CDCP1: variants seen among roughly 807,000 people sequenced by gnomAD.
CDCP1 encodes the protein CUB domain containing protein 1.
Under a neutral mutation model 60.2 loss-of-function variants are expected in CDCP1, and 29 were observed. The ratio of observed to expected loss-of-function variants is 0.48; its 90% confidence interval spans 0.36 to 0.66. The LOEUF is 0.66. Ranked by LOEUF, CDCP1 falls within the 30% of genes least tolerant of loss-of-function variation. The pLI is 0.00. For missense variants in CDCP1, 876 were observed against 1,074.3 expected (o/e 0.82, Z 2.58); for synonymous variants, 387 against 431.1 (o/e 0.90, Z 1.27).
In CDCP1 at chr3:45,089,279, G is replaced by A. The variant is rs1289133852; in HGVS notation, c.1994-138C>T. On this transcript the variant is annotated intron_variant, in intron 7 of 8. Coordinates refer to ENST00000296129, the MANE Select transcript of CDCP1 (RefSeq NM_022842.5). ...CATGTGGCTCCTTGTGTGCACATGG[G>A]GCTCCTCATATCACAAAGTGTTTAT... 6.0e-6 allele frequency: 4 copies of A among 664,098 alleles called. No individual in the cohort carries two copies. The African/African-American group carries it at 7.3e-5, about 12-fold the overall frequency. The allele number at this position is 664,098 out of a possible 1,614,324, so 41.1% of individuals were successfully genotyped here.
At chr3:45,102,321 C>T (rs13089765) in intron 4 of CDCP1, among the ~76,000 whole-genome samples, 1 of 152,030 alleles carries the variant, frequency 6.6e-6, no homozygotes, top group Non-Finnish European at 1.5e-5. Context: ...TCCACTGCCT[C>T]GGCCTCCCAA....
At position 45,144,989 on chromosome 3, in the gene CDCP1, T is replaced by C. The variant is rs147399270; in HGVS notation, c.82+1217A>G. 1.7e-3 allele frequency among the ~76,000 whole-genome samples: 260 copies of C among 151,566 alleles called. 7 individuals are homozygous for C. In the East Asian group the frequency reaches 0.045, roughly 26 times the overall value. ...GTGAAACCCTGTCTCTACTTTAATATATATAATTTATATATATATTTATAA... is the reference window on the plus strand; with the variant it reads ...GTGAAACCCTGTCTCTACTTTAATACATATAATTTATATATATATTTATAA... On this transcript the variant is annotated intron_variant, in intron 1 of 8. Coordinates refer to ENST00000296129, the MANE Select transcript of CDCP1 (RefSeq NM_022842.5).
In CDCP1 at chr3:45,094,328, C is replaced by T. The variant is rs6789738; in HGVS notation, c.1247-671G>A. ...GCAACCTCCACCTCCCGGGTTCAGG[C>T]GACTCTCCTGCCTCAGCCTCCCGAG... On this transcript the variant is annotated intron_variant, in intron 5 of 8. Transcript: ENST00000296129. 7.1e-3 allele frequency among the ~76,000 whole-genome samples: 1,085 copies of T among 152,114 alleles called. 8 individuals are homozygous for T. Among genetic ancestry groups the T allele is most frequent in the African/African-American group, 0.025 (1,029 of 41,482 alleles).
At chr3:45,144,970 C>A (rs1360894581) in intron 1 of CDCP1, among the ~76,000 whole-genome samples, 1 of 151,848 alleles carries the variant, frequency 6.6e-6, no homozygotes, top group Non-Finnish European at 1.5e-5. Flanking sequence ...CACAGTGAAA[C>A]CCTGTCTCTA....
At chr3:45,123,176 C>T (rs1041780976) in intron 1 of CDCP1, among the ~76,000 whole-genome samples, 16 of 152,144 alleles carry the variant, frequency 1.1e-4, no homozygotes, top group African/African-American at 3.6e-4. Context: ...CACACAAACT[C>T]ATTTTGCAAT....
intron 1 of CDCP1, among the ~76,000 whole-genome samples, chr3:45,127,568 T>C (rs978350333): frequency 5.3e-5 from 8 of 152,182 alleles, no homozygotes; most frequent in Non-Finnish European, 1.0e-4. Context: ...CGATGCAAGT[T>C]TGAGTCAATT....
intron 1 of CDCP1, 126 bp from the exon 2 acceptor site, chr3:45,118,747 TGAG>T (rs1477420500): frequency 1.4e-6 from 1 of 697,552 alleles, no homozygotes; most frequent in Non-Finnish European, 2.4e-6. Context: ...CCTCCTTTTC[TGAG>T]AAGAAGGGTG....
chr3:45,110,246 C>T, intron 4 of CDCP1: 1 of 1,382,408 alleles, frequency 7.2e-7, no homozygotes, highest in East Asian at 2.7e-5. Context: ...ATCTTGAATG[C>T]AAGATTTCTT....
At chr3:45,113,702 T>C (rs961826491) in intron 2 of CDCP1, among the ~76,000 whole-genome samples, 1 of 152,194 alleles carries the variant, frequency 6.6e-6, no homozygotes, top group Non-Finnish European at 1.5e-5. Flanking sequence ...CAATTCCAGA[T>C]CCCAGGACGA....
At chr3:45,097,307 C>CA (rs113559480) in intron 4 of CDCP1, among the ~76,000 whole-genome samples, 20,170 of 133,374 alleles carry the variant, frequency 0.15, 1,423 homozygotes, top group Middle Eastern at 0.22. Context: ...ACTCTGTCTC[C>CA]AAAAAAAAAA....
chr3:45,144,873 A>G (rs1413447473), intron 1 of CDCP1, among the ~76,000 whole-genome samples: 2 of 152,186 alleles, frequency 1.3e-5, no homozygotes, highest in Non-Finnish European at 2.9e-5. Context: ...AGCCAGGCAC[A>G]GTGGCTCACA....
At chr3:45,118,375 A>G in intron 2 of CDCP1, 37 bp downstream of exon 2, 1 of 1,473,696 alleles carries the variant, frequency 6.8e-7, no homozygotes, top group Non-Finnish European at 9.5e-7. Context: ...GAGACATTTA[A>G]AAGACATTGT....
rs112865049 is a variant in CDCP1 at position 45,103,719 on chromosome 3, T to C, written c.1024+6754A>G. On this transcript the variant is annotated intron_variant, in intron 4 of 8. Coordinates refer to ENST00000296129, the MANE Select transcript of CDCP1 (RefSeq NM_022842.5). ...TGGGCTGTTATAAAGCTAGGCTGCC[T>C]CTCATGTTTTCATCTTTTTCACACA... 1.3e-3 allele frequency among the ~76,000 whole-genome samples: 203 copies of C among 152,334 alleles called. 1 individual carries two copies. The highest frequency in any genetic ancestry group is 4.7e-3 in the African/African-American group (195 of 41,576).
At chr3:45,143,597 A>G (rs765200020) in intron 1 of CDCP1, among the ~76,000 whole-genome samples, 3 of 152,214 alleles carry the variant, frequency 2.0e-5, no homozygotes, top group African/African-American at 7.2e-5. Flanking sequence ...GCTTATAGAT[A>G]ATTTTTTTCC....
At chr3:45,132,254 T>C (rs1699113412) in intron 1 of CDCP1, among the ~76,000 whole-genome samples, 2 of 150,024 alleles carry the variant, frequency 1.3e-5, no homozygotes, top group Admixed American at 6.6e-5. Context: ...AAAAAAGACA[T>C]ATAAAAGAAA....
At chr3:45,131,391 C>G (rs980277976) in intron 1 of CDCP1, among the ~76,000 whole-genome samples, 1 of 152,158 alleles carries the variant, frequency 6.6e-6, no homozygotes, top group Non-Finnish European at 1.5e-5. Flanking sequence ...CCATTACCAC[C>G]ATCCGCCTCT....
chr3:45,098,035 A>C (rs936588566), intron 4 of CDCP1, among the ~76,000 whole-genome samples: 12 of 152,072 alleles, frequency 7.9e-5, no homozygotes, highest in Non-Finnish European at 1.5e-4. Flanking sequence ...TCCCCACCCC[A>C]AAGCCGTGTT....
At chr3:45,126,963 C>T (rs754187207) in intron 1 of CDCP1, among the ~76,000 whole-genome samples, 43 of 152,108 alleles carry the variant, frequency 2.8e-4, no homozygotes, top group Admixed American at 7.2e-4. Flanking sequence ...CACCGGTGCC[C>T]GGGGCATGAT....
At chr3:45,115,621 A>G (rs1008844245) in intron 2 of CDCP1, among the ~76,000 whole-genome samples, 1 of 152,350 alleles carries the variant, frequency 6.6e-6, no homozygotes, top group Middle Eastern at 3.4e-3. Flanking sequence ...TAAAAGCTTC[A>G]TTAAAATTTT....
Sources: gnomAD v4.1 joint callset for allele counts (sites outside exome capture counted in the v4.1 genomes callset) on GRCh38, gnomAD v4.1.1 for gene constraint, MANE v1.5 for transcripts, NCBI Gene and HGNC (gene_info 2026-07-23, HGNC 2026-07-21) for gene names.